Variants in SNRNP70 observed in about 807,000 individuals in gnomAD.
SNRNP70 encodes the protein U1 small nuclear ribonucleoprotein 70 kDa.
A neutral mutation model predicts 50.5 loss-of-function variants in SNRNP70; 8 were observed. The ratio of observed to expected loss-of-function variants is 0.16; its 90% CI spans 0.09 to 0.29. The LOEUF (loss-of-function observed/expected upper bound fraction) is 0.29. SNRNP70 is among the 10% of genes least tolerant of loss of function. The pLI is 1.00. For missense variants in SNRNP70, 529 were observed against 663.5 expected (o/e 0.80, Z 2.23); for synonymous variants, 320 against 252.9 (o/e 1.27, Z -2.52).
intron 4 of SNRNP70, among the ~76,000 whole-genome samples, chr19:49,096,014 C>T (rs1193904373): frequency 1.4e-5 from 2 of 147,350 alleles, no homozygotes; most frequent in African/African-American, 5.0e-5. Context: ...GATTGAGAGA[C>T]CTGGCCATAG....
In SNRNP70 at chr19:49,108,031, G is replaced by T; in HGVS notation, c.902G>T (p.Arg301Leu). Residue 301 changes from arginine (R) to leucine (L), a missense_variant, in exon 10 of 10, where the codon CGG (arginine) becomes CTG (leucine). Coordinates refer to ENST00000598441, the MANE Select transcript of SNRNP70 (RefSeq NM_003089.6). Reference protein sequence around the residue: ...RSSRSRERARRERERKEELRG... With the variant: ...RSSRSRERARLERERKEELRG... ...AGCCGGAGTCGGGAGCGGGCCCGGC[G>T]GGAGCGGGAGCGCAAGGAGGAGCTG... The T allele has an allele frequency of 6.5e-7, 1 of 1,548,146 alleles. No homozygotes were observed.
chr19:49,098,717 G>T lies in SNRNP70; in HGVS notation c.393+13G>T. ...ACCTATCAAAAGAGTAAGTGGAGTG[G>T]GTCAGGGTGTTTGAATTGGGGGTGC... is the stretch of plus-strand genomic sequence containing the variant. On this transcript the variant is annotated intron_variant, in intron 6 of 9. Coordinates refer to ENST00000598441, the MANE Select transcript of SNRNP70 (RefSeq NM_003089.6). 1 of 1,611,416 alleles carries T rather than the reference G, an allele frequency of 6.2e-7. No individual in the cohort carries two copies. The highest frequency in any genetic ancestry group is 8.5e-7 in the Non-Finnish European group (1 of 1,177,560).
chr19:49,102,388 G>C, intron 7 of SNRNP70: 1 of 303,792 alleles, frequency 3.3e-6, no homozygotes, highest in South Asian at 2.6e-5. Flanking sequence ...TCCCAGGAGG[G>C]GAAGGATGAA....
Position 49,108,278 on chromosome 19 carries a change from G to C in SNRNP70, c.1149G>C (p.Arg383=). 6.4e-7 allele frequency: 1 copy of C among 1,563,188 alleles called. No individual in the cohort carries two copies. The change falls in exon 10 of 10, where the codon CGG becomes CGC. Residue 383 remains arginine, a synonymous_variant. Coordinates refer to ENST00000598441, the MANE Select transcript of SNRNP70 (RefSeq NM_003089.6). ...ACCGCGAGCACAAACGGGGGGAGCGGGGCAGTGAGCGGGGCAGGGATGAGG... is the reference window on the plus strand; with the variant it reads ...ACCGCGAGCACAAACGGGGGGAGCGCGGCAGTGAGCGGGGCAGGGATGAGG... ...DRDREHKRGE[R]GSERGRDEAR... is the part of the protein sequence containing the mutation.
intron 7 of SNRNP70, chr19:49,102,155 T>C: frequency 7.8e-7 from 1 of 1,289,612 alleles, no homozygotes; most frequent in Non-Finnish European, 1.0e-6. Flanking sequence ...ACGCTCCCCT[T>C]ACAACACCTC....
intron 2 of SNRNP70, among the ~76,000 whole-genome samples, chr19:49,089,879 G>A (rs889995857): frequency 6.6e-6 from 1 of 151,790 alleles, no homozygotes; most frequent in Non-Finnish European, 1.5e-5. Context: ...AGTCAGGATG[G>A]TCTCGGATCT....
intron 4 of SNRNP70, 83 bp from the exon 5 acceptor site, chr19:49,098,344 C>T: frequency 8.6e-7 from 1 of 1,157,946 alleles, no homozygotes; most frequent in Admixed American, 2.0e-5. Flanking sequence ...CCGTTTTCTT[C>T]TTGGCCTCTG....
chr19:49,107,971 GCAAGGA>G lies in SNRNP70; in HGVS notation c.850_855del (p.Lys284_Asp285del). ...GAGCGGAGGCGCTCCAGGGAGCGGA[GCAAGGA>G]CAAGGACCGGGACCGGAAGCGGCGA... On this transcript the variant is annotated inframe_deletion, in exon 10 of 10. Coordinates refer to ENST00000598441, the MANE Select transcript of SNRNP70 (RefSeq NM_003089.6). This position sits in a 1 kb window ranked among gnomAD's most constrained non-coding sequence, Gnocchi z 6.0. The G allele has an allele frequency of 6.5e-7, 1 of 1,547,996 alleles. No individual in the cohort carries two copies. The highest frequency in any genetic ancestry group is 8.7e-7 in the Non-Finnish European group (1 of 1,146,198).
At position 49,108,387 on chromosome 19, in the gene SNRNP70, G is replaced by A. The variant is rs1454484645; in HGVS notation, c.1258G>A (p.Gly420Ser). 5 of 1,611,408 alleles carry A rather than the reference G, an allele frequency of 3.1e-6. No individual in the cohort carries two copies. The highest frequency in any genetic ancestry group is 4.2e-6 in the Non-Finnish European group (5 of 1,178,932). The change falls in exon 10 of 10, where the codon GGC becomes AGC. Residue 420 changes from glycine to serine, a missense_variant. By Grantham distance (56) the Gly-to-Ser change is moderately conservative (BLOSUM62 0). Around this residue, in one of 4 missense-constraint regions of SNRNP70, gnomAD observed 327 missense variants for 308.8 expected, o/e 1.06. Coordinates refer to ENST00000598441, the MANE Select transcript of SNRNP70 (RefSeq NM_003089.6). ...SRDMYMESEG[G>S]DGYLAPENGY... The stretch of plus-strand genomic sequence containing the variant: ...AGACATGTACATGGAGTCTGAGGGC[G>A]GCGACGGCTACCTGGCTCCGGAGAA...
intron 6 of SNRNP70, among the ~76,000 whole-genome samples, chr19:49,101,126 A>G (rs1450387656): frequency 7.2e-5 from 11 of 152,184 alleles, no homozygotes; most frequent in Admixed American, 5.9e-4. Flanking sequence ...AGTTACTGCT[A>G]TTCCACCTGA....
chr19:49,086,303 A>G, intron 1 of SNRNP70, 102 bp from the exon 2 acceptor site: 1 of 1,349,002 alleles, frequency 7.4e-7, no homozygotes, highest in East Asian at 2.4e-5. Context: ...TTTAATTCCG[A>G]GACTTTTCTC....
chr19:49,098,359 T>A (rs1262400102), intron 4 of SNRNP70, 68 bp from the exon 5 acceptor site: 5 of 1,263,418 alleles, frequency 4.0e-6, no homozygotes, highest in Non-Finnish European at 5.7e-6. Flanking sequence ...CCTCTGCCCA[T>A]CGTATTTGTT....
chr19:49,098,391 A>G, intron 4 of SNRNP70, 36 bp from the exon 5 acceptor site: 1 of 1,544,088 alleles, frequency 6.5e-7, no homozygotes, highest in Non-Finnish European at 8.9e-7. Flanking sequence ...GACCATGGAC[A>G]CCTTCAACTT....
At chr19:49,106,700 C>A (rs892228432) in intron 8 of SNRNP70, among the ~76,000 whole-genome samples, 13 of 152,220 alleles carry the variant, frequency 8.5e-5, no homozygotes. Flanking sequence ...TCTGCACCTT[C>A]TTTGCTGAGT....
intron 1 of SNRNP70, 95 bp downstream of exon 1, chr19:49,085,731 C>T (rs1428252239): frequency 2.3e-6 from 1 of 438,346 alleles, no homozygotes; most frequent in Non-Finnish European, 4.6e-6. Flanking sequence ...GGCCAGGCCC[C>T]TTTCCCGCGT....
chr19:49,101,138 A>G (rs2040579798), intron 6 of SNRNP70, among the ~76,000 whole-genome samples: 1 of 152,182 alleles, frequency 6.6e-6, no homozygotes, highest in Non-Finnish European at 1.5e-5. Context: ...TCCACCTGAC[A>G]GGCTGACACC....
chr19:49,103,299 A>G (rs1213023706), intron 7 of SNRNP70: 1 of 151,462 alleles, frequency 6.6e-6, no homozygotes, highest in Non-Finnish European at 1.5e-5. Context: ...GGCCTCCTTG[A>G]GATTTCTTTG....
intron 2 of SNRNP70, among the ~76,000 whole-genome samples, 191 bp downstream of exon 2, chr19:49,086,752 C>T (rs1283241996): frequency 6.6e-6 from 1 of 152,062 alleles, no homozygotes. Context: ...CGTCTGTAGT[C>T]TCAGCTACTC....
rs749765290 is a variant in SNRNP70 at position 49,104,647 on chromosome 19, C to T, written c.489C>T (p.His163=). ...HERDMHSAYK[H]ADGKKIDGRR... is the part of the protein sequence containing the mutation. ...CATCTGTTACAGCCGCTTACAAACA[C>T]GCAGATGGCAAGAAGATTGATGGCA... The change falls in exon 8 of 10, where the codon CAC becomes CAT. Residue 163 remains histidine (H), a synonymous_variant. Coordinates refer to ENST00000598441, the MANE Select transcript of SNRNP70 (RefSeq NM_003089.6). This position sits in a 1 kb window ranked among gnomAD's most constrained non-coding sequence, Gnocchi z 5.4. 2.7e-5 allele frequency: 42 copies of T among 1,556,462 alleles called. No homozygotes were observed. Among genetic ancestry groups the T allele is most frequent in the Non-Finnish European group, 3.6e-5 (41 of 1,149,636 alleles).
Sources: allele counts gnomAD v4.1 joint callset (sites outside exome capture counted in the v4.1 genomes callset), GRCh38; gene constraint gnomAD v4.1.1; regional missense constraint gnomAD v4.1.1; non-coding constraint Gnocchi (gnomAD v3.1); transcripts MANE v1.5; gene names NCBI Gene and HGNC (gene_info 2026-07-23, HGNC 2026-07-21).